ZNF407: variants seen among roughly 807,000 people sequenced by gnomAD.
The protein encoded by ZNF407 is zinc finger protein 407.
ZNF407 carries 17 observed loss-of-function variants against 131.2 expected under a neutral mutation model. The observed-to-expected ratio is 0.13, with a 90% CI of 0.09 to 0.19. ZNF407 has a LOEUF of 0.19. Ranked by LOEUF, ZNF407 falls within the 10% of genes least tolerant of loss-of-function variation. The pLI is 1.00. For missense variants in ZNF407, 2,681 were observed against 2,830.6 expected (o/e 0.95, Z 1.20); for synonymous variants, 1,156 against 1,062.0 (o/e 1.09, Z -1.72).
intron 8 of ZNF407, among the ~76,000 whole-genome samples, chr18:74,949,823 A>G (rs1972193503): frequency 6.6e-6 from 1 of 152,214 alleles, no homozygotes; most frequent in Non-Finnish European, 1.5e-5. Flanking sequence ...AGGAAGGTCA[A>G]CACAAGGGCA....
chr18:74,741,135 A>T (rs1478980691), intron 3 of ZNF407, among the ~76,000 whole-genome samples: 1 of 152,192 alleles, frequency 6.6e-6, no homozygotes, highest in African/African-American at 2.4e-5. Flanking sequence ...AGTGGATAAT[A>T]TGTAAAACCA....
chr18:75,001,650 A>C (rs946839567), intron 8 of ZNF407, among the ~76,000 whole-genome samples: 1 of 152,228 alleles, frequency 6.6e-6, no homozygotes, highest in Non-Finnish European at 1.5e-5. Flanking sequence ...TGAAATGCCA[A>C]ATATCTCCAA....
chr18:74,870,181 C>T (rs1370099508), intron 4 of ZNF407, among the ~76,000 whole-genome samples: 3 of 152,054 alleles, frequency 2.0e-5, no homozygotes, highest in Non-Finnish European at 4.4e-5. Context: ...CTTTTTAACC[C>T]TTGAATTGAA....
chr18:75,024,311 TC>T (rs1371055560), intron 8 of ZNF407, among the ~76,000 whole-genome samples: 1 of 152,194 alleles, frequency 6.6e-6, no homozygotes, highest in Non-Finnish European at 1.5e-5. Context: ...TGTTCCTTTA[TC>T]ATCTATGTCT....
intron 8 of ZNF407, among the ~76,000 whole-genome samples, chr18:74,928,377 G>A (rs1971940724): frequency 6.6e-6 from 1 of 152,170 alleles, no homozygotes; most frequent in African/African-American, 2.4e-5. Context: ...TTATGTAGAT[G>A]AAGCTTCCAG....
chr18:74,906,246 C>T (rs148935850), intron 7 of ZNF407, among the ~76,000 whole-genome samples: 9 of 152,286 alleles, frequency 5.9e-5, no homozygotes, highest in Admixed American at 2.0e-4. Context: ...CCACCACACC[C>T]TCTCCTCTCT....
intron 6 of ZNF407, among the ~76,000 whole-genome samples, chr18:74,888,111 A>T (rs755652585): frequency 3.4e-4 from 51 of 152,224 alleles, no homozygotes; most frequent in Non-Finnish European, 6.6e-4. Context: ...CAGTATACTC[A>T]TACAGCTATC....
At chr18:74,782,214 G>C (rs1411064918) in intron 4 of ZNF407, among the ~76,000 whole-genome samples, 1 of 152,112 alleles carries the variant, frequency 6.6e-6, no homozygotes, top group Non-Finnish European at 1.5e-5. Context: ...GCTTCCCTCA[G>C]ATTCTCCAAG....
intron 8 of ZNF407, among the ~76,000 whole-genome samples, chr18:74,966,134 G>C (rs1207529754): frequency 1.3e-5 from 2 of 152,156 alleles, no homozygotes; most frequent in East Asian, 3.8e-4. Context: ...TTTGTTGATT[G>C]TTTTCTTTAT....
chr18:74,935,960 A>G lies in ZNF407; in HGVS notation c.5428+15268A>G, dbSNP rs187886759. On this transcript the variant is annotated intron_variant, in intron 8 of 8. Coordinates refer to ENST00000299687, the MANE Select transcript of ZNF407 (RefSeq NM_017757.3). The stretch of plus-strand genomic sequence containing the variant: ...TTCTCCCTGTATGTAATTTTTTAAA[A>G]AAGTTTTTTCTTTTTGTGATGTGTG... 3.8e-3 allele frequency among the ~76,000 whole-genome samples: 578 copies of G among 152,300 alleles called. 5 individuals carry two copies. The highest frequency in any genetic ancestry group is 5.7e-3 in the Admixed American group (87 of 15,292).
chr18:74,693,782 C>T (rs568087793), intron 3 of ZNF407, among the ~76,000 whole-genome samples: 18 of 152,154 alleles, frequency 1.2e-4, no homozygotes, highest in African/African-American at 3.9e-4. Context: ...AAAAAAATTT[C>T]AGGTCATTAT....
intron 4 of ZNF407, among the ~76,000 whole-genome samples, chr18:74,836,796 C>T (rs1240594520): frequency 1.3e-5 from 2 of 152,230 alleles, no homozygotes. Context: ...TCATTGTCAT[C>T]ATGTGCTTCC....
At position 74,967,405 on chromosome 18, in the gene ZNF407, G is replaced by A. The variant is rs117697124; in HGVS notation, c.5428+46713G>A. 7.2e-5 allele frequency among the ~76,000 whole-genome samples: 11 copies of A among 152,152 alleles called. No individual in the cohort carries two copies. In the East Asian group the frequency reaches 2.1e-3, roughly 29 times the overall value. On this transcript the variant is annotated intron_variant, in intron 8 of 8. Transcript: ENST00000299687. ...TGGCCATATTAGTGTCAATATTATT[G>A]CCTCCATTATTTAACTGATCTATTT...
chr18:74,830,825 G>A (rs1970472156), intron 4 of ZNF407, among the ~76,000 whole-genome samples: 1 of 152,160 alleles, frequency 6.6e-6, no homozygotes, highest in Non-Finnish European at 1.5e-5. Context: ...ATTGTTAAAT[G>A]TAGTCGTCCT....
chr18:74,880,454 G>A (rs1390666391), intron 5 of ZNF407, among the ~76,000 whole-genome samples: 2 of 152,120 alleles, frequency 1.3e-5, no homozygotes, highest in East Asian at 1.9e-4. Context: ...AACATAAACA[G>A]CATTGAATTG....
intron 3 of ZNF407, among the ~76,000 whole-genome samples, chr18:74,774,206 A>G (rs1380919932): frequency 6.6e-6 from 1 of 152,208 alleles, no homozygotes; most frequent in Non-Finnish European, 1.5e-5. Flanking sequence ...GTATGTCACA[A>G]AAAGATTGGG....
rs538147066 is a variant in ZNF407, at chr18:74,846,345, C to CT, written c.4878-30840dup. 2.0e-3 allele frequency among the ~76,000 whole-genome samples: 295 copies of CT among 145,002 alleles called. 1 individual carries two copies. Among genetic ancestry groups the CT allele is most frequent in the South Asian group, 0.019 (89 of 4,566 alleles). ...TGTCTGAACTGGGATGTTAAAACGT[C>CT]TTTTTTTTTTTTGGAGACGGAATCT... is the stretch of plus-strand genomic sequence containing the variant. On this transcript the variant is annotated intron_variant, in intron 4 of 8. Coordinates refer to ENST00000299687, the MANE Select transcript of ZNF407 (RefSeq NM_017757.3).
intron 4 of ZNF407, among the ~76,000 whole-genome samples, chr18:74,851,875 A>G (rs965767702): frequency 3.3e-5 from 5 of 152,204 alleles, no homozygotes; most frequent in Admixed American, 1.3e-4. Flanking sequence ...ACAGGTTGTC[A>G]AAAACATTAG....
At chr18:74,714,824 G>T (rs1011288458) in intron 3 of ZNF407, among the ~76,000 whole-genome samples, 2 of 152,018 alleles carry the variant, frequency 1.3e-5, no homozygotes, top group African/African-American at 4.8e-5. Context: ...AGATTTCTTG[G>T]GGGGTAGAAC....
Sources: allele counts gnomAD v4.1 joint callset (sites outside exome capture counted in the v4.1 genomes callset), GRCh38; gene constraint gnomAD v4.1.1; transcripts MANE v1.5; gene names NCBI Gene and HGNC (gene_info 2026-07-23, HGNC 2026-07-21).